ATP2B2: variants seen among roughly 807,000 people sequenced by gnomAD.
ATP2B2 encodes the protein plasma membrane calcium-transporting ATPase 2.
A neutral mutation model predicts 120.0 loss-of-function variants in ATP2B2; 15 were observed. The observed-to-expected ratio is 0.12, with a 90% CI of 0.08 to 0.19. The LOEUF is 0.19. ATP2B2 is among the 10% of genes least tolerant of loss of function. The pLI is 1.00. For missense variants in ATP2B2, 1,045 were observed against 1,719.8 expected (o/e 0.61, Z 6.94); for synonymous variants, 694 against 700.3 (o/e 0.99, Z 0.14).
intron 22 of ATP2B2, among the ~76,000 whole-genome samples, chr3:10,330,619 A>G (rs1414561245): frequency 1.3e-5 from 2 of 152,252 alleles, no homozygotes; most frequent in Non-Finnish European, 2.9e-5. Flanking sequence ...CCTGCAGAGC[A>G]GTGGCTGCCC....
At chr3:10,349,858 C>T (rs2125408294) in intron 16 of ATP2B2, among the ~76,000 whole-genome samples, 1 of 152,286 alleles carries the variant, frequency 6.6e-6, no homozygotes, top group South Asian at 2.1e-4. Flanking sequence ...AGTTTGGGAC[C>T]CCACACAGGC....
chr3:10,343,169 C>T lies in ATP2B2; in HGVS notation c.2704-204G>A, dbSNP rs2060330254. ...CCTGCCCACCTCAGCCACATCTTCC[C>T]TGCCAGGAGATAAGTGAGTCCCCCC... On this transcript the variant is annotated intron_variant, in intron 18 of 22. Transcript: ENST00000360273. The surrounding 1 kb of genome is among the most constrained non-coding windows in gnomAD (Gnocchi z 4.2). Among the ~76,000 whole-genome samples, 1 of 152,196 alleles carries T rather than the reference C, an allele frequency of 6.6e-6. No homozygotes were observed. The highest frequency in any genetic ancestry group is 2.1e-4 in the South Asian group (1 of 4,836).
At chr3:10,357,547 G>A (rs922954886) in intron 14 of ATP2B2, among the ~76,000 whole-genome samples, 1 of 152,318 alleles carries the variant, frequency 6.6e-6, no homozygotes, top group Non-Finnish European at 1.5e-5. Context: ...CTGAGGCTCA[G>A]AGAGGAGTAG....
At chr3:10,521,466 G>A (rs2066984300) in intron 3 of ATP2B2, among the ~76,000 whole-genome samples, 1 of 152,222 alleles carries the variant, frequency 6.6e-6, no homozygotes, top group South Asian at 2.1e-4. Flanking sequence ...CGGTGATTAT[G>A]GACAGGTGTT....
intron 1 of ATP2B2, among the ~76,000 whole-genome samples, chr3:10,461,217 G>T (rs1401205172): frequency 2.6e-5 from 4 of 152,158 alleles, no homozygotes; most frequent in African/African-American, 4.8e-5. Flanking sequence ...TCTCACTACT[G>T]TGGCCAGACA....
At chr3:10,467,694 C>T (rs969519877) in intron 1 of ATP2B2, among the ~76,000 whole-genome samples, 6 of 152,132 alleles carry the variant, frequency 3.9e-5, no homozygotes, top group African/African-American at 1.2e-4. Context: ...TGTACCGAGC[C>T]CCAGCCTACA....
At position 10,645,558 on chromosome 3, in the gene ATP2B2, T is replaced by C. The variant is rs143609301; in HGVS notation, c.-459-25597A>G. 9.0e-3 allele frequency among the ~76,000 whole-genome samples: 1,367 copies of C among 152,300 alleles called. 14 individuals are homozygous for C. Among genetic ancestry groups the C allele is most frequent in the Middle Eastern group, 0.034 (10 of 294 alleles). ...AGGAAAGTAGAAACAATGGTGCTTC[T>C]GGTTAAAGGACACAGGAGTTCTTTG... is the stretch of plus-strand genomic sequence containing the variant. On this transcript the variant is annotated intron_variant, in intron 1 of 21. Coordinates refer to the ATP2B2 transcript ENST00000646379.
At chr3:10,605,992 C>T (rs1280960107) in intron 2 of ATP2B2, among the ~76,000 whole-genome samples, 2 of 151,930 alleles carry the variant, frequency 1.3e-5, no homozygotes, top group African/African-American at 2.4e-5. Flanking sequence ...GTGGTATGCA[C>T]CTGTGGTCTC....
intron 5 of ATP2B2, among the ~76,000 whole-genome samples, chr3:10,391,736 T>C (rs1398593319): frequency 6.6e-6 from 1 of 152,138 alleles, no homozygotes; most frequent in Non-Finnish European, 1.5e-5. Flanking sequence ...TCCTCCGGTA[T>C]CCCCAAGCCT....
At chr3:10,483,104 C>G (rs968663815) in intron 1 of ATP2B2, among the ~76,000 whole-genome samples, 2 of 152,246 alleles carry the variant, frequency 1.3e-5, no homozygotes, top group Non-Finnish European at 2.9e-5. Context: ...CCCTCACTCA[C>G]GTGTCATCTA....
chr3:10,684,658 C>G (rs989456997), intron 1 of ATP2B2, among the ~76,000 whole-genome samples: 1 of 152,186 alleles, frequency 6.6e-6, no homozygotes, highest in Non-Finnish European at 1.5e-5. Flanking sequence ...GCAATGGGAC[C>G]TAAGCTCTGA....
intron 6 of ATP2B2, among the ~76,000 whole-genome samples, chr3:10,387,652 C>G (rs551990230): frequency 2.2e-4 from 34 of 152,292 alleles, no homozygotes; most frequent in South Asian, 1.0e-3. Context: ...TTCTGAGAGA[C>G]AGTTTTAGCC....
chr3:10,592,814 G>C (rs2068675568), intron 2 of ATP2B2, among the ~76,000 whole-genome samples: 1 of 152,188 alleles, frequency 6.6e-6, no homozygotes, highest in African/African-American at 2.4e-5. Context: ...ACAGGATCTA[G>C]CTCTGTTGCC....
intron 2 of ATP2B2, among the ~76,000 whole-genome samples, chr3:10,596,588 A>T (rs1228971356): frequency 6.6e-6 from 1 of 152,242 alleles, no homozygotes; most frequent in Non-Finnish European, 1.5e-5. Context: ...ACGGTTAAGC[A>T]TCACTTTAGT....
chr3:10,522,989 C>T lies in ATP2B2; in HGVS notation c.-320+11050G>A, dbSNP rs1575455819. Among the ~76,000 whole-genome samples the T allele has an allele frequency of 2.0e-5, 3 of 152,344 alleles. 1 individual carries two copies. The Middle Eastern group carries it at 0.01, about 518-fold the overall frequency. On this transcript the variant is annotated intron_variant, in intron 3 of 21. Coordinates refer to the ATP2B2 transcript ENST00000646379. ...CACAGGACCTGGCACACAATAGGTG[C>T]TCCACAGCTGATAGATGCACTGGAC...
chr3:10,378,190 C>A, intron 10 of ATP2B2, 62 bp downstream of exon 10: 1 of 1,579,438 alleles, frequency 6.3e-7, no homozygotes. Context: ...GAGCATGGGG[C>A]AGGGCTCTGC....
intron 1 of ATP2B2, among the ~76,000 whole-genome samples, chr3:10,470,655 C>T (rs1034441681): frequency 2.0e-5 from 3 of 152,216 alleles, no homozygotes; most frequent in Admixed American, 1.3e-4. Context: ...GCCTGACCCA[C>T]TGTGCCAAGT....
At position 10,578,957 on chromosome 3, in the gene ATP2B2, C is replaced by T. The variant is rs868551863; in HGVS notation, c.-415+40960G>A. ...CGGTGGCCTCCTGGGGAGGTGGCAACGTGCTACAGCTGGATCTGGGTATTG... is the reference window on the plus strand; with the variant it reads ...CGGTGGCCTCCTGGGGAGGTGGCAATGTGCTACAGCTGGATCTGGGTATTG... On this transcript the variant is annotated intron_variant, in intron 2 of 21. Coordinates refer to the ATP2B2 transcript ENST00000646379. Among the ~76,000 whole-genome samples, 52 of 152,280 alleles carry T rather than the reference C, an allele frequency of 3.4e-4. No individual in the cohort carries two copies. In the Middle Eastern group the frequency reaches 0.017, roughly 50 times the overall value.
chr3:10,561,032 C>A lies in ATP2B2; in HGVS notation c.-414-26899G>T, dbSNP rs188730761. Among the ~76,000 whole-genome samples, 55 of 152,310 alleles carry A rather than the reference C, an allele frequency of 3.6e-4. 2 individuals carry two copies. The highest frequency in any genetic ancestry group is 1.3e-3 in the African/African-American group (54 of 41,560). On this transcript the variant is annotated intron_variant, in intron 2 of 21. Coordinates refer to the ATP2B2 transcript ENST00000646379. The stretch of plus-strand genomic sequence containing the variant: ...ATCCAGGTCACTGCTGAAGAATGAC[C>A]TTCCATCACCCTCTAATCAAAAGCC...
Sources: allele counts gnomAD v4.1 joint callset (sites outside exome capture counted in the v4.1 genomes callset), GRCh38; gene constraint gnomAD v4.1.1; non-coding constraint Gnocchi (gnomAD v3.1); transcripts MANE v1.5; gene names NCBI Gene and HGNC (gene_info 2026-07-23, HGNC 2026-07-21).